TENM4: variants seen among roughly 807,000 people sequenced by gnomAD.
TENM4 encodes teneurin-4.
A neutral mutation model predicts 243.3 loss-of-function variants in TENM4; 82 were observed. That is an observed-to-expected ratio of 0.34 (90% CI 0.28 to 0.40). The LOEUF is 0.40. TENM4 is among the 10% of genes least tolerant of loss of function. TENM4 has a pLI of 1.00. For synonymous variants in TENM4, 1,412 were observed against 1,456.3 expected (o/e 0.97, Z 0.69); for missense variants, 3,138 against 3,673.3 (o/e 0.85, Z 3.77).
At chr11:79,153,560 C>T (rs11607746) in intron 3 of TENM4, among the ~76,000 whole-genome samples, 28,830 of 152,044 alleles carry the variant, frequency 0.19, 2,852 homozygotes, top group South Asian at 0.23. Flanking sequence ...CTACCAAAAC[C>T]AAGTATCTGC....
chr11:78,991,140 G>C (rs553943523), intron 6 of TENM4, among the ~76,000 whole-genome samples: 5 of 152,178 alleles, frequency 3.3e-5, no homozygotes, highest in Non-Finnish European at 7.3e-5. Context: ...CAATGACTAA[G>C]ATGGCTGCTA....
intron 4 of TENM4, among the ~76,000 whole-genome samples, chr11:79,110,021 C>G (rs1053506706): frequency 2.0e-5 from 3 of 152,222 alleles, no homozygotes; most frequent in African/African-American, 4.8e-5. Context: ...TCCCAAATGA[C>G]AATTCCTGCT....
At chr11:79,379,924 CAG>C (rs1857967360) in intron 1 of TENM4, among the ~76,000 whole-genome samples, 1 of 152,130 alleles carries the variant, frequency 6.6e-6, no homozygotes, top group East Asian at 1.9e-4. Flanking sequence ...ACTGGCTTGT[CAG>C]GGGCTGGGGG....
chr11:79,398,329 T>A (rs909344559), intron 1 of TENM4, among the ~76,000 whole-genome samples: 1 of 152,138 alleles, frequency 6.6e-6, no homozygotes. Context: ...GCATCTCACC[T>A]GGCTCAGTGG....
chr11:78,753,823 A>T (rs1856244713), intron 19 of TENM4, among the ~76,000 whole-genome samples: 1 of 152,042 alleles, frequency 6.6e-6, no homozygotes, highest in Non-Finnish European at 1.5e-5. Context: ...ACAGGTTTGG[A>T]GAGATGAATG....
At chr11:79,066,464 CT>C (rs1293176081) in intron 5 of TENM4, among the ~76,000 whole-genome samples, 2 of 151,162 alleles carry the variant, frequency 1.3e-5, no homozygotes, top group East Asian at 3.9e-4. Context: ...TTGTGCTCCC[CT>C]GGTGTGTCCT....
intron 2 of TENM4, among the ~76,000 whole-genome samples, chr11:79,221,483 C>T (rs1287847401): frequency 1.3e-5 from 2 of 151,870 alleles, no homozygotes; most frequent in Admixed American, 1.3e-4. Context: ...CACACCCACA[C>T]ACAAACTCAC....
At chr11:79,280,756 T>C (rs1018343838) in intron 2 of TENM4, among the ~76,000 whole-genome samples, 1 of 151,964 alleles carries the variant, frequency 6.6e-6, no homozygotes, top group Admixed American at 6.6e-5. Flanking sequence ...CAGGTTAAAC[T>C]CCCCAGTGCG....
chr11:79,079,240 A>G (rs1860605551), intron 4 of TENM4, among the ~76,000 whole-genome samples: 1 of 152,146 alleles, frequency 6.6e-6, no homozygotes, highest in South Asian at 2.1e-4. Flanking sequence ...TACAGAAGCC[A>G]TCTTGCCCTT....
At chr11:79,180,089 C>T (rs191769756) in intron 3 of TENM4, among the ~76,000 whole-genome samples, 1 of 151,742 alleles carries the variant, frequency 6.6e-6, no homozygotes, top group Admixed American at 6.6e-5. Context: ...GTTTTAGGTA[C>T]AGGCTTAAAA....
chr11:78,807,831 C>A (rs188837344), intron 14 of TENM4, among the ~76,000 whole-genome samples: 110 of 152,262 alleles, frequency 7.2e-4, no homozygotes, highest in African/African-American at 2.6e-3. Context: ...GGTCAAGGGA[C>A]AAAATGTACT....
At chr11:79,156,914 CA>C (rs1287813793) in intron 3 of TENM4, among the ~76,000 whole-genome samples, 1 of 152,118 alleles carries the variant, frequency 6.6e-6, no homozygotes, top group Non-Finnish European at 1.5e-5. Flanking sequence ...AAATATATGA[CA>C]AAGGCTGACA....
intron 2 of TENM4, among the ~76,000 whole-genome samples, chr11:79,244,244 A>G (rs745894170): frequency 2.0e-5 from 3 of 152,102 alleles, no homozygotes; most frequent in Admixed American, 6.5e-5. Flanking sequence ...TCATTGCCCT[A>G]CTAGACTGTG....
chr11:78,901,061 C>T (rs747500619), intron 7 of TENM4, among the ~76,000 whole-genome samples: 4 of 152,066 alleles, frequency 2.6e-5, no homozygotes, highest in South Asian at 2.1e-4. Flanking sequence ...AGAAGGTGAG[C>T]GACTCTGGCA....
intron 28 of TENM4, among the ~76,000 whole-genome samples, chr11:78,689,732 C>T (rs763468070): frequency 2.6e-5 from 4 of 152,226 alleles, no homozygotes; most frequent in Non-Finnish European, 5.9e-5. Context: ...TGCTGCACTA[C>T]AGACTCTGCC....
intron 12 of TENM4, among the ~76,000 whole-genome samples, chr11:78,822,483 A>G (rs1252706552): frequency 6.6e-6 from 1 of 152,236 alleles, no homozygotes; most frequent in African/African-American, 2.4e-5. Flanking sequence ...AAAATGATAC[A>G]TATAGATGAA....
intron 22 of TENM4, among the ~76,000 whole-genome samples, chr11:78,727,592 G>C (rs1792145): frequency 3.3e-5 from 5 of 151,928 alleles, no homozygotes; most frequent in Admixed American, 6.6e-5. Flanking sequence ...GTCATTTACA[G>C]TGAATATATA....
Position 78,912,301 on chromosome 11 carries a change from C to A in TENM4, c.494-8778G>T, listed in dbSNP as rs1315626519. On this transcript the variant is annotated intron_variant, in intron 6 of 33. Coordinates refer to ENST00000278550, the MANE Select transcript of TENM4 (RefSeq NM_001098816.3). ...ACAGAGTCTTGCTCTGTTGCCCAGG[C>A]TGGAGTGCAGTGGTGCGATCTCAGC... 3.9e-5 allele frequency among the ~76,000 whole-genome samples: 6 copies of A among 152,330 alleles called. No homozygotes were observed. The South Asian group carries it at 6.2e-4, about 16-fold the overall frequency.
chr11:79,018,077 C>T (rs1024416191), intron 6 of TENM4, among the ~76,000 whole-genome samples: 2 of 152,026 alleles, frequency 1.3e-5, no homozygotes, highest in African/African-American at 4.8e-5. Context: ...GGGATGAGGG[C>T]TGGGGGATGA....
Sources: gnomAD v4.1 joint callset for allele counts (sites outside exome capture counted in the v4.1 genomes callset) on GRCh38, gnomAD v4.1.1 for gene constraint, MANE v1.5 for transcripts, NCBI Gene and HGNC (gene_info 2026-07-23, HGNC 2026-07-21) for gene names.